The following HS3ST4 variants were observed in gnomAD, a reference collection of about 807,000 sequenced individuals.
HS3ST4 encodes the protein heparan sulfate-glucosamine 3-sulfotransferase 4, also known as heparan sulfate glucosamine 3-O-sulfotransferase 4.
Under a neutral mutation model 29.2 loss-of-function variants are expected in HS3ST4, and 17 were observed. The observed-to-expected ratio is 0.58, with a 90% CI of 0.40 to 0.87. The LOEUF (loss-of-function observed/expected upper bound fraction) is 0.87, where lower values mean the gene tolerates loss of function less well. Among genes scored for constraint, HS3ST4 ranks in the 40% least tolerant of loss-of-function variants. The probability of loss-of-function intolerance (pLI) is 0.00; values close to 1 mark genes in which losing one functional copy is unlikely to be tolerated. For synonymous variants in HS3ST4, 314 were observed against 285.7 expected (o/e 1.10, Z -1.00); for missense variants, 627 against 634.5 (o/e 0.99, Z 0.13).
chr16:26,066,012 T>C (rs1898537836), intron 1 of HS3ST4, among the ~76,000 whole-genome samples: 1 of 152,258 alleles, frequency 6.6e-6, no homozygotes, highest in African/African-American at 2.4e-5. Context: ...TATGGCATTA[T>C]GTTACTCAAA....
chr16:25,734,322 G>A (rs145054662), intron 1 of HS3ST4, among the ~76,000 whole-genome samples: 3,281 of 152,174 alleles, frequency 0.022, 68 homozygotes, highest in Admixed American at 0.044. Flanking sequence ...TGTGCCAAAC[G>A]CATCCATCTG....
At chr16:26,105,196 C>T (rs1023781578) in intron 1 of HS3ST4, among the ~76,000 whole-genome samples, 1 of 152,058 alleles carries the variant, frequency 6.6e-6, no homozygotes, top group African/African-American at 2.4e-5. Flanking sequence ...TCATTTGCAG[C>T]AATATGAATG....
intron 1 of HS3ST4, among the ~76,000 whole-genome samples, chr16:26,059,457 G>A (rs1461880487): frequency 6.6e-6 from 1 of 152,166 alleles, no homozygotes; most frequent in African/African-American, 2.4e-5. Flanking sequence ...ATAAAGTAGG[G>A]CGGAGAGGGT....
chr16:26,120,817 A>C (rs944323223), intron 1 of HS3ST4, among the ~76,000 whole-genome samples: 8 of 152,216 alleles, frequency 5.3e-5, no homozygotes, highest in African/African-American at 1.9e-4. Context: ...ATTATTTACA[A>C]AGAGGAAAGT....
intron 1 of HS3ST4, among the ~76,000 whole-genome samples, chr16:26,080,281 A>G (rs181537591): frequency 8.5e-5 from 13 of 152,210 alleles, no homozygotes; most frequent in Admixed American, 4.6e-4. Context: ...AGCACAGAAA[A>G]GAATAAAATT....
At chr16:26,088,575 C>T (rs1303036020) in intron 1 of HS3ST4, among the ~76,000 whole-genome samples, 1 of 152,184 alleles carries the variant, frequency 6.6e-6, no homozygotes, top group Non-Finnish European at 1.5e-5. Flanking sequence ...TAAGTTCACA[C>T]AGCTCTAATT....
At chr16:26,102,708 C>T (rs1253712763) in intron 1 of HS3ST4, among the ~76,000 whole-genome samples, 1 of 152,184 alleles carries the variant, frequency 6.6e-6, no homozygotes, top group African/African-American at 2.4e-5. Flanking sequence ...CTTATTTGCT[C>T]ATGTTCTTTC....
intron 1 of HS3ST4, among the ~76,000 whole-genome samples, chr16:25,948,448 TCTC>T (rs1391695568): frequency 6.6e-6 from 1 of 152,016 alleles, no homozygotes; most frequent in Non-Finnish European, 1.5e-5. Flanking sequence ...CTGTGTGTGT[TCTC>T]CTCTTGAAAT....
intron 1 of HS3ST4, among the ~76,000 whole-genome samples, chr16:26,012,687 G>T (rs1470398320): frequency 6.6e-6 from 1 of 152,216 alleles, no homozygotes; most frequent in African/African-American, 2.4e-5. Flanking sequence ...ATTTCAGAAT[G>T]TATAGAAGCT....
chr16:25,946,647 C>G (rs936091404), intron 1 of HS3ST4, among the ~76,000 whole-genome samples: 1 of 152,132 alleles, frequency 6.6e-6, no homozygotes, highest in African/African-American at 2.4e-5. Context: ...GACATGGACA[C>G]AAATCAAATT....
chr16:26,000,539 C>A (rs528637029), intron 1 of HS3ST4, among the ~76,000 whole-genome samples: 2 of 152,106 alleles, frequency 1.3e-5, no homozygotes, highest in Non-Finnish European at 2.9e-5. Context: ...TTAATGATAT[C>A]CGTGGAACCA....
rs185520957 is a variant in HS3ST4 at position 25,768,212 on chromosome 16, A to G, written c.734+75061A>G. Among the ~76,000 whole-genome samples, 80 of 152,270 alleles carry G rather than the reference A, an allele frequency of 5.3e-4. No homozygotes were observed. In the South Asian group the frequency reaches 7.5e-3, roughly 14 times the overall value. On this transcript the variant is annotated intron_variant, in intron 1 of 1. Coordinates refer to ENST00000331351, the MANE Select transcript of HS3ST4 (RefSeq NM_006040.3). ...GTGCCACTTCTGTCTTTTCTCCCCA[A>G]TGCATGTCTAAATCAATATGTACGT...
intron 1 of HS3ST4, among the ~76,000 whole-genome samples, chr16:25,898,418 A>G (rs542858502): frequency 4.6e-5 from 7 of 152,174 alleles, no homozygotes; most frequent in African/African-American, 1.4e-4. Flanking sequence ...CTTCCCATAC[A>G]CTGGATCAAG....
rs1966414520 is a variant in HS3ST4, at chr16:25,711,421, A to C, written c.734+18270A>C. 1.3e-5 allele frequency among the ~76,000 whole-genome samples: 2 copies of C among 152,078 alleles called. 1 individual carries two copies. The highest frequency in any genetic ancestry group is 1.3e-4 in the Admixed American group (2 of 15,270). Reference sequence around the variant, plus strand: ...CCTGGGCTATTTCAAGGCAGCATGAAGGAGGGAAAGCAGTGCTTCTCTGCT... The same window carrying C: ...CCTGGGCTATTTCAAGGCAGCATGACGGAGGGAAAGCAGTGCTTCTCTGCT... On this transcript the variant is annotated intron_variant, in intron 1 of 1. Transcript: ENST00000331351.
At chr16:26,073,615 C>G (rs894478173) in intron 1 of HS3ST4, among the ~76,000 whole-genome samples, 5 of 152,184 alleles carry the variant, frequency 3.3e-5, no homozygotes, top group Non-Finnish European at 7.3e-5. Context: ...TCAAGTGATC[C>G]TCCCTCCTCG....
At chr16:26,017,933 A>C (rs559304299) in intron 1 of HS3ST4, among the ~76,000 whole-genome samples, 2 of 152,208 alleles carry the variant, frequency 1.3e-5, no homozygotes, top group Admixed American at 6.5e-5. Context: ...AACTTCCTAC[A>C]TGAATTTTCA....
intron 1 of HS3ST4, among the ~76,000 whole-genome samples, chr16:25,734,412 G>A (rs960298359): frequency 6.6e-6 from 1 of 152,170 alleles, no homozygotes; most frequent in Non-Finnish European, 1.5e-5. Context: ...GGCTCCCAGA[G>A]AGGCATTGCG....
chr16:25,780,565 G>T (rs890209071), intron 1 of HS3ST4, among the ~76,000 whole-genome samples: 3 of 152,100 alleles, frequency 2.0e-5, no homozygotes, highest in Non-Finnish European at 4.4e-5. Flanking sequence ...CAAAGAATTG[G>T]CATAGTGGCT....
At chr16:25,848,104 G>T (rs992263613) in intron 1 of HS3ST4, among the ~76,000 whole-genome samples, 2 of 152,002 alleles carry the variant, frequency 1.3e-5, no homozygotes, top group Non-Finnish European at 2.9e-5. Context: ...AACTATATGG[G>T]TCTGGTGATT....
Sources: allele counts gnomAD v4.1 joint callset (sites outside exome capture counted in the v4.1 genomes callset), GRCh38; gene constraint gnomAD v4.1.1; transcripts MANE v1.5; gene names NCBI Gene and HGNC (gene_info 2026-07-23, HGNC 2026-07-21).